MITF: variants seen among roughly 807,000 people sequenced by gnomAD.
The protein encoded by MITF is melanocyte inducing transcription factor.
Under a neutral mutation model 60.5 loss-of-function variants are expected in MITF, and 17 were observed. The ratio of observed to expected loss-of-function variants is 0.28; its 90% confidence interval spans 0.19 to 0.42. The LOEUF (loss-of-function observed/expected upper bound fraction) is 0.42, where lower values mean the gene tolerates loss of function less well. Ranked by LOEUF, MITF falls within the 10% of genes least tolerant of loss-of-function variation. The pLI is 1.00. For synonymous variants in MITF, 260 were observed against 248.5 expected (o/e 1.05, Z -0.43); for missense variants, 622 against 683.5 (o/e 0.91, Z 1.00).
At chr3:69,907,453 AAC>A (rs1230393192) in intron 2 of MITF, among the ~76,000 whole-genome samples, 1 of 152,186 alleles carries the variant, frequency 6.6e-6, no homozygotes, top group Non-Finnish European at 1.5e-5. Context: ...CAAATGAACA[AAC>A]AACTCTTTCT....
chr3:69,863,622 CAG>C (rs1310855932), intron 1 of MITF, among the ~76,000 whole-genome samples: 1 of 152,154 alleles, frequency 6.6e-6, no homozygotes, highest in African/African-American at 2.4e-5. Flanking sequence ...TGTAATAAAT[CAG>C]AGTTTCAGTT....
chr3:69,777,739 G>A (rs755047669), intron 1 of MITF, among the ~76,000 whole-genome samples: 2 of 152,152 alleles, frequency 1.3e-5, no homozygotes, highest in Non-Finnish European at 2.9e-5. Context: ...GGGAACTTCC[G>A]CTAGGCATGT....
chr3:69,928,669 A>C (rs939660993), intron 2 of MITF, among the ~76,000 whole-genome samples: 2 of 152,206 alleles, frequency 1.3e-5, no homozygotes, highest in African/African-American at 4.8e-5. Flanking sequence ...GAAAAGAGAA[A>C]TCCAAACTCT....
At chr3:69,964,325 G>T (rs2066629897) in intron 9 of MITF, among the ~76,000 whole-genome samples, 1 of 137,014 alleles carries the variant, frequency 7.3e-6, no homozygotes, top group South Asian at 2.4e-4. Context: ...TAATATCTGT[G>T]AGAGACCATC....
intron 9 of MITF, 150 bp from the exon 10 acceptor site, chr3:69,964,697 C>CCA: frequency 2.9e-6 from 1 of 348,586 alleles, no homozygotes; most frequent in Non-Finnish European, 4.8e-6. Context: ...CTATACTTTA[C>CCA]ATTCCCTCTG....
chr3:69,875,075 G>A (rs1423863637), intron 1 of MITF, among the ~76,000 whole-genome samples: 1 of 152,130 alleles, frequency 6.6e-6, no homozygotes, highest in Non-Finnish European at 1.5e-5. Flanking sequence ...AATCCCTGCA[G>A]CACATTAAAA....
chr3:69,812,972 C>G (rs2063124141), intron 1 of MITF, among the ~76,000 whole-genome samples: 1 of 152,048 alleles, frequency 6.6e-6, no homozygotes, highest in Non-Finnish European at 1.5e-5. Context: ...GTAAGTGGCT[C>G]TGAGAAAGGT....
chr3:69,809,397 A>G (rs939368611), intron 1 of MITF, among the ~76,000 whole-genome samples: 5 of 152,150 alleles, frequency 3.3e-5, no homozygotes, highest in Admixed American at 2.6e-4. Flanking sequence ...TGCCAGAACA[A>G]TAATCTTCTA....
At chr3:69,863,870 T>C (rs1406717671) in intron 1 of MITF, among the ~76,000 whole-genome samples, 2 of 152,176 alleles carry the variant, frequency 1.3e-5, no homozygotes, top group East Asian at 1.9e-4. Flanking sequence ...CTTGATTTTT[T>C]AGAAAATTAT....
chr3:69,908,361 A>G (rs2065146950), intron 2 of MITF, among the ~76,000 whole-genome samples: 1 of 152,224 alleles, frequency 6.6e-6, no homozygotes, highest in Non-Finnish European at 1.5e-5. Flanking sequence ...ACAATAAAAA[A>G]AAAACTCTTC....
At position 69,856,892 on chromosome 3, in the gene MITF, A is replaced by G. The variant is rs113997036; in HGVS notation, c.105-22242A>G. 3.4e-3 allele frequency among the ~76,000 whole-genome samples: 520 copies of G among 152,176 alleles called. 5 individuals are homozygous for G. Among genetic ancestry groups the G allele is most frequent in the African/African-American group, 0.012 (482 of 41,536 alleles). ...GCCATTAATTGAATTCATGCTTGGT[A>G]TAATATTCAGGGAAGTCTGCTTCAT... is the stretch of plus-strand genomic sequence containing the variant. On this transcript the variant is annotated intron_variant, in intron 1 of 9. Coordinates refer to ENST00000352241, the MANE Select transcript of MITF (RefSeq NM_001354604.2).
intron 2 of MITF, among the ~76,000 whole-genome samples, chr3:69,930,226 G>T (rs1419530746): frequency 6.6e-6 from 1 of 151,998 alleles, no homozygotes; most frequent in Non-Finnish European, 1.5e-5. Flanking sequence ...CATGTGACTG[G>T]GTTCGATCAC....
At position 69,795,719 on chromosome 3, in the gene MITF, G is replaced by A. The variant is rs569266040; in HGVS notation, c.104+56018G>A. Among the ~76,000 whole-genome samples the A allele has an allele frequency of 5.3e-5, 8 of 152,162 alleles. No homozygotes were observed. In the South Asian group the frequency reaches 8.3e-4, roughly 16 times the overall value. Reference sequence around the variant, plus strand: ...CCTGCCTGGGTGACAGAGTGAAACCGTGTTTCAGAAAATAAAAGGTAAAAA... The same window carrying A: ...CCTGCCTGGGTGACAGAGTGAAACCATGTTTCAGAAAATAAAAGGTAAAAA... On this transcript the variant is annotated intron_variant, in intron 1 of 9. Coordinates refer to ENST00000352241, the MANE Select transcript of MITF (RefSeq NM_001354604.2).
chr3:69,820,838 T>C (rs2063257886), intron 1 of MITF, among the ~76,000 whole-genome samples: 1 of 152,142 alleles, frequency 6.6e-6, no homozygotes, highest in South Asian at 2.1e-4. Flanking sequence ...AATACAAGTG[T>C]CAACATAGAA....
intron 1 of MITF, among the ~76,000 whole-genome samples, chr3:69,767,607 A>G (rs1351685693): frequency 6.6e-6 from 1 of 152,006 alleles, no homozygotes; most frequent in Non-Finnish European, 1.5e-5. Flanking sequence ...ACAAAACAAC[A>G]AAAAAACAAA....
intron 2 of MITF, among the ~76,000 whole-genome samples, chr3:69,936,259 T>C (rs563495003): frequency 1.3e-5 from 2 of 152,316 alleles, no homozygotes; most frequent in East Asian, 3.9e-4. Flanking sequence ...TAGTAGCTTT[T>C]AGATGATGTC....
At chr3:69,866,424 T>C in intron 1 of MITF, 1 of 1,569,734 alleles carries the variant, frequency 6.4e-7, no homozygotes, top group East Asian at 2.3e-5. Flanking sequence ...AGGGGGAGGA[T>C]AAAGGAAGAG....
At chr3:69,824,847 A>C (rs1029756251) in intron 1 of MITF, among the ~76,000 whole-genome samples, 1 of 152,134 alleles carries the variant, frequency 6.6e-6, no homozygotes, top group African/African-American at 2.4e-5. Context: ...GCTTCCCTGA[A>C]ACCCTAGAGG....
chr3:69,791,428 A>G (rs2062738372), intron 1 of MITF, among the ~76,000 whole-genome samples: 1 of 152,196 alleles, frequency 6.6e-6, no homozygotes, highest in Admixed American at 6.5e-5. Context: ...TCATTTTACT[A>G]GTACTGGATT....
Sources: gnomAD v4.1 joint callset for allele counts (sites outside exome capture counted in the v4.1 genomes callset) on GRCh38, gnomAD v4.1.1 for gene constraint, MANE v1.5 for transcripts, NCBI Gene and HGNC (gene_info 2026-07-23, HGNC 2026-07-21) for gene names.